Variants in CAMK2D observed in about 807,000 individuals in gnomAD.
The protein encoded by CAMK2D is calcium/calmodulin-dependent protein kinase type II subunit delta.
A neutral mutation model predicts 84.0 loss-of-function variants in CAMK2D; 37 were observed. The ratio of observed to expected loss-of-function variants is 0.44; its 90% confidence interval spans 0.34 to 0.58. CAMK2D has a LOEUF of 0.58. Ranked by LOEUF, CAMK2D falls within the 20% of genes least tolerant of loss-of-function variation. The pLI, the probability that CAMK2D is intolerant of heterozygous loss-of-function variation, is 0.02. For missense variants in CAMK2D, 448 were observed against 652.5 expected, an observed-to-expected ratio of 0.69 and a Z score of 3.41; for synonymous variants, 202 against 212.5, an observed-to-expected ratio of 0.95 and a Z score of 0.43.
chr4:113,642,385 G>C (rs890793746), intron 3 of CAMK2D, among the ~76,000 whole-genome samples: 21 of 152,192 alleles, frequency 1.4e-4, no homozygotes, highest in African/African-American at 5.1e-4. Flanking sequence ...TGAGGGACAG[G>C]TAGGAGGATT....
At chr4:113,476,343 C>T (rs2097618283) in intron 16 of CAMK2D, among the ~76,000 whole-genome samples, 1 of 152,184 alleles carries the variant, frequency 6.6e-6, no homozygotes, top group Admixed American at 6.5e-5. Flanking sequence ...ATTTTTACCA[C>T]ACACACATTC....
At chr4:113,706,177 CT>C (rs1343456484) in intron 2 of CAMK2D, among the ~76,000 whole-genome samples, 1 of 152,146 alleles carries the variant, frequency 6.6e-6, no homozygotes, top group Admixed American at 6.5e-5. Flanking sequence ...CTATCAAGGA[CT>C]GAACTAGTAT....
intron 3 of CAMK2D, among the ~76,000 whole-genome samples, chr4:113,610,413 T>A (rs538743091): frequency 5.8e-4 from 89 of 152,170 alleles, no homozygotes; most frequent in Non-Finnish European, 1.2e-3. Flanking sequence ...GACCACCACA[T>A]GGAAAATGTG....
intron 14 of CAMK2D, 145 bp downstream of exon 14, chr4:113,504,831 C>CAAAA (rs35574643): frequency 8.3e-6 from 2 of 241,454 alleles, no homozygotes; most frequent in Non-Finnish European, 6.9e-6. Flanking sequence ...TCATAGAAAG[C>CAAAA]AAAAAAAAAA....
chr4:113,523,507 A>G (rs1447388063), intron 8 of CAMK2D, among the ~76,000 whole-genome samples: 1 of 152,144 alleles, frequency 6.6e-6, no homozygotes, highest in East Asian at 1.9e-4. Flanking sequence ...AAAAGGTCCC[A>G]CACACTTTCA....
chr4:113,709,764 T>C (rs1366937729), intron 2 of CAMK2D, among the ~76,000 whole-genome samples: 8 of 116,556 alleles, frequency 6.9e-5, no homozygotes, highest in Admixed American at 4.5e-4. Flanking sequence ...TATATATATA[T>C]ATATATATAT....
chr4:113,633,134 A>G (rs958205306), intron 3 of CAMK2D, among the ~76,000 whole-genome samples: 2 of 152,238 alleles, frequency 1.3e-5, no homozygotes, highest in Non-Finnish European at 2.9e-5. Flanking sequence ...CGTAGGCATT[A>G]AAAGGCCTAT....
chr4:113,680,700 C>T (rs1441563228), intron 2 of CAMK2D, among the ~76,000 whole-genome samples: 1 of 152,196 alleles, frequency 6.6e-6, no homozygotes, highest in African/African-American at 2.4e-5. Flanking sequence ...AGGAGGAAAT[C>T]TGCCTAGTCA....
intron 2 of CAMK2D, among the ~76,000 whole-genome samples, chr4:113,687,560 C>G (rs1336885039): frequency 6.6e-6 from 1 of 152,132 alleles, no homozygotes; most frequent in Non-Finnish European, 1.5e-5. Flanking sequence ...ACAAGTCAGA[C>G]AAAGGGTAGT....
At chr4:113,485,736 C>CTTAA (rs2097760056) in intron 16 of CAMK2D, among the ~76,000 whole-genome samples, 1 of 152,176 alleles carries the variant, frequency 6.6e-6, no homozygotes, top group South Asian at 2.1e-4. Context: ...CCTCTCATCT[C>CTTAA]TTAATATTAG....
intron 2 of CAMK2D, among the ~76,000 whole-genome samples, chr4:113,680,436 G>A (rs1432085895): frequency 6.6e-6 from 1 of 152,218 alleles, no homozygotes; most frequent in East Asian, 1.9e-4. Flanking sequence ...GCTCTGTGCA[G>A]CTGAAGCTGA....
chr4:113,644,057 A>C (rs2099142318), intron 3 of CAMK2D, among the ~76,000 whole-genome samples: 1 of 152,186 alleles, frequency 6.6e-6, no homozygotes, highest in Non-Finnish European at 1.5e-5. Flanking sequence ...TATTATTGTC[A>C]GAAGAAGTTT....
At chr4:113,513,098 C>A in intron 12 of CAMK2D, 1 of 883,630 alleles carries the variant, frequency 1.1e-6, no homozygotes, top group Non-Finnish European at 1.4e-6. Context: ...CCACTGCTGC[C>A]AGAAGCAGTC....
At chr4:113,482,341 A>G (rs1359862526) in intron 16 of CAMK2D, among the ~76,000 whole-genome samples, 1 of 152,234 alleles carries the variant, frequency 6.6e-6, no homozygotes, top group East Asian at 1.9e-4. Flanking sequence ...GGGTATAAGC[A>G]AAACTAAGGA....
At chr4:113,564,092 A>C (rs1423214889) in intron 4 of CAMK2D, among the ~76,000 whole-genome samples, 1 of 152,150 alleles carries the variant, frequency 6.6e-6, no homozygotes, top group Non-Finnish European at 1.5e-5. Context: ...AATGTTCCCT[A>C]TATTAAGAGT....
At chr4:113,561,024 A>C (rs2098695965) in intron 4 of CAMK2D, among the ~76,000 whole-genome samples, 1 of 152,210 alleles carries the variant, frequency 6.6e-6, no homozygotes, top group African/African-American at 2.4e-5. Flanking sequence ...TTGGCCAGGA[A>C]GAAATGTGAG....
At chr4:113,591,618 TGG>T (rs2098884763) in intron 4 of CAMK2D, among the ~76,000 whole-genome samples, 1 of 152,180 alleles carries the variant, frequency 6.6e-6, no homozygotes, top group South Asian at 2.1e-4. Flanking sequence ...AATGCAAGGA[TGG>T]TAAAACTGGA....
At chr4:113,542,560 A>G (rs1348167165) in intron 6 of CAMK2D, among the ~76,000 whole-genome samples, 1 of 151,898 alleles carries the variant, frequency 6.6e-6, no homozygotes. Flanking sequence ...CTAAAAATAC[A>G]AAAAATTAAT....
intron 16 of CAMK2D, among the ~76,000 whole-genome samples, chr4:113,469,219 C>A (rs560122485): frequency 6.6e-6 from 1 of 152,274 alleles, no homozygotes; most frequent in South Asian, 2.1e-4. Flanking sequence ...CAGATTTCAA[C>A]ATTTCCTCAA....
Sources: gnomAD v4.1 joint callset for allele counts (sites outside exome capture counted in the v4.1 genomes callset) on GRCh38, gnomAD v4.1.1 for gene constraint, MANE v1.5 for transcripts, NCBI Gene and HGNC (gene_info 2026-07-23, HGNC 2026-07-21) for gene names.